The following GRB10 variants were observed in gnomAD, a reference collection of about 807,000 sequenced individuals.
The protein encoded by GRB10 is growth factor receptor-bound protein 10.
Under a neutral mutation model 80.9 loss-of-function variants are expected in GRB10, and 20 were observed. That is an observed-to-expected ratio of 0.25 (90% CI 0.17 to 0.36). GRB10 has a LOEUF of 0.36. Ranked by LOEUF, GRB10 falls within the 10% of genes least tolerant of loss-of-function variation. GRB10 has a pLI of 1.00. For missense variants in GRB10, 548 were observed against 747.7 expected, an observed-to-expected ratio of 0.73 and a Z score of 3.12; for synonymous variants, 291 against 291.5, an observed-to-expected ratio of 1.00 and a Z score of 0.02.
intron 17 of GRB10, among the ~76,000 whole-genome samples, chr7:50,602,181 T>C (rs933749016): frequency 6.6e-6 from 1 of 152,162 alleles, no homozygotes; most frequent in South Asian, 2.1e-4. Context: ...CCAGGAAATA[T>C]CTAATGCAAG....
chr7:50,790,442 G>A (rs1004901290), intron 1 of GRB10, among the ~76,000 whole-genome samples: 1 of 152,208 alleles, frequency 6.6e-6, no homozygotes, highest in Admixed American at 6.5e-5. Flanking sequence ...AACTTTGAAG[G>A]ACTGATTACT....
At chr7:50,669,604 G>C (rs1272339122) in intron 7 of GRB10, 118 bp downstream of exon 7, 4 of 967,128 alleles carry the variant, frequency 4.1e-6, no homozygotes, top group Non-Finnish European at 6.4e-6. Context: ...AAAGAACTGA[G>C]AGAGAAGATC....
rs1316833944 is a variant in GRB10 at position 50,592,669 on chromosome 7, A to G, written c.*283T>C. The G allele has an allele frequency of 2.0e-6, 1 of 492,582 alleles. No individual in the cohort carries two copies. Among genetic ancestry groups the G allele is most frequent in the African/African-American group, 1.9e-5 (1 of 51,634 alleles). 30.5% of individuals were successfully genotyped at this position (492,582 alleles called of 1,614,324 possible). A position where few individuals can be genotyped will look rare whatever the true frequency, so the allele number is the denominator to read the frequency against. The stretch of plus-strand genomic sequence containing the variant: ...TCCGGTTCTTGTTCCTAAGCGGCCC[A>G]AGCCAAGATGATCATTCCAGTTTAT... On this transcript the variant is annotated 3_prime_UTR_variant, in exon 19 of 19. Transcript: ENST00000401949.
intron 8 of GRB10, among the ~76,000 whole-genome samples, chr7:50,619,958 C>T (rs1003502614): frequency 2.0e-5 from 3 of 152,216 alleles, no homozygotes; most frequent in Non-Finnish European, 4.4e-5. Context: ...GCACACGCCT[C>T]CTTCACAGCA....
At chr7:50,729,880 G>A (rs1375043235) in intron 4 of GRB10, among the ~76,000 whole-genome samples, 1 of 152,068 alleles carries the variant, frequency 6.6e-6, no homozygotes, top group Admixed American at 6.5e-5. Context: ...TCTGTCTGCC[G>A]AGCTCAAAGC....
chr7:50,741,599 C>G (rs1388470899), intron 3 of GRB10, among the ~76,000 whole-genome samples: 1 of 131,076 alleles, frequency 7.6e-6, no homozygotes, highest in African/African-American at 2.9e-5. Flanking sequence ...AAATTAAAAA[C>G]AAGCTCTGGC....
At chr7:50,642,085 T>G (rs1286738975) in intron 7 of GRB10, among the ~76,000 whole-genome samples, 1 of 152,186 alleles carries the variant, frequency 6.6e-6, no homozygotes, top group African/African-American at 2.4e-5. Flanking sequence ...GGGAGTTTTC[T>G]TAACTAGCTG....
chr7:50,608,912 A>G (rs2048984979), intron 13 of GRB10, among the ~76,000 whole-genome samples: 1 of 149,380 alleles, frequency 6.7e-6, no homozygotes, highest in Admixed American at 6.8e-5. Flanking sequence ...CTACAGTGAG[A>G]TGAGCTCATG....
Position 50,591,126 on chromosome 7 carries a change from T to G in GRB10, c.*1826A>C, listed in dbSNP as rs2045800558. Reference sequence around the variant, plus strand: ...GGTGTGAACGTGAGAATTATCTTACTGTCAATAGTTTGAAAGACTGACTGG... The same window carrying G: ...GGTGTGAACGTGAGAATTATCTTACGGTCAATAGTTTGAAAGACTGACTGG... On this transcript the variant is annotated 3_prime_UTR_variant, in exon 19 of 19. Coordinates refer to ENST00000401949, the MANE Select transcript of GRB10 (RefSeq NM_001350814.2). 2 of 152,256 alleles carry G rather than the reference T, an allele frequency of 1.3e-5. No homozygotes were observed. Among genetic ancestry groups the G allele is most frequent in the African/African-American group, 4.8e-5 (2 of 41,462 alleles). The allele number at this position is 152,256 out of a possible 1,614,324, so 9.4% of individuals were successfully genotyped here.
At chr7:50,709,365 G>A (rs1274345074) in intron 4 of GRB10, among the ~76,000 whole-genome samples, 1 of 152,182 alleles carries the variant, frequency 6.6e-6, no homozygotes, top group East Asian at 1.9e-4. Flanking sequence ...CTGGTCCTCT[G>A]GCCCCCAGTG....
At position 50,626,837 on chromosome 7, in the gene GRB10, G is replaced by C. The variant is rs758372575; in HGVS notation, c.646C>G (p.Pro216Ala). ...GGTTCCCTACCTAATCCTAGGTGCGGGTGGTGCTCCACTAGTGTCCAGCTG... is the reference window on the plus strand; with the variant it reads ...GGTTCCCTACCTAATCCTAGGTGCGCGTGGTGCTCCACTAGTGTCCAGCTG... ...DNSWTLVEHH[P>A]HLGLERCLED... The change falls in exon 8 of 19, where the codon CCG (proline) becomes GCG (alanine). Residue 216 changes from proline (P) to alanine (A), a missense_variant. Pro to Ala is a conservative substitution (Grantham distance 27). Coordinates refer to ENST00000401949, the MANE Select transcript of GRB10 (RefSeq NM_001350814.2). 1 of 1,614,138 alleles carries C rather than the reference G, an allele frequency of 6.2e-7. No homozygotes were observed. Among genetic ancestry groups the C allele is most frequent in the Non-Finnish European group, 8.5e-7 (1 of 1,180,028 alleles).
chr7:50,628,569 G>A (rs1335129638), intron 7 of GRB10, among the ~76,000 whole-genome samples: 1 of 56,806 alleles, frequency 1.8e-5, no homozygotes, highest in Non-Finnish European at 4.2e-5. Flanking sequence ...CCAGGTGGGG[G>A]TGGTGGGGGT....
chr7:50,708,428 T>C (rs1215139030), intron 4 of GRB10, among the ~76,000 whole-genome samples: 1 of 152,202 alleles, frequency 6.6e-6, no homozygotes, highest in Non-Finnish European at 1.5e-5. Context: ...TTAGCCACTG[T>C]GGCACTAAAG....
At chr7:50,693,426 A>T (rs1312132386) in intron 5 of GRB10, among the ~76,000 whole-genome samples, 4 of 152,212 alleles carry the variant, frequency 2.6e-5, no homozygotes, top group African/African-American at 9.6e-5. Flanking sequence ...TTAAAGCTGC[A>T]TGCCTATAAC....
At chr7:50,704,179 A>T (rs900813173) in intron 4 of GRB10, among the ~76,000 whole-genome samples, 2 of 102,954 alleles carry the variant, frequency 1.9e-5, no homozygotes, top group African/African-American at 7.1e-5. Context: ...ATTCAAAGAG[A>T]ATTATTGCCA....
At chr7:50,721,425 G>C (rs545852310) in intron 4 of GRB10, among the ~76,000 whole-genome samples, 5 of 152,198 alleles carry the variant, frequency 3.3e-5, no homozygotes, top group Admixed American at 6.5e-5. Context: ...CAACTGCCGC[G>C]GATCACAGAG....
At chr7:50,786,671 G>A, upstream of GRB10, among the ~76,000 whole-genome samples, 1 of 152,352 alleles carries the variant, frequency 6.6e-6, no homozygotes, top group East Asian at 1.9e-4. Flanking sequence ...AGAGTAGATG[G>A]ACATTTTCCC....
chr7:50,646,828 C>T (rs1193018497), intron 7 of GRB10, among the ~76,000 whole-genome samples: 1 of 152,186 alleles, frequency 6.6e-6, no homozygotes, highest in African/African-American at 2.4e-5. Flanking sequence ...TGTAATGATT[C>T]AACAACCAAT....
At chr7:50,720,198 T>C (rs145107017) in intron 4 of GRB10, among the ~76,000 whole-genome samples, 1 of 152,322 alleles carries the variant, frequency 6.6e-6, no homozygotes, top group African/African-American at 2.4e-5. Flanking sequence ...TTCTTTAAGA[T>C]CAATGATAGG....
Sources: allele counts gnomAD v4.1 joint callset (sites outside exome capture counted in the v4.1 genomes callset), GRCh38; gene constraint gnomAD v4.1.1; transcripts MANE v1.5; gene names NCBI Gene and HGNC (gene_info 2026-07-23, HGNC 2026-07-21).